The following RGS12 variants were observed in gnomAD, a reference collection of about 807,000 sequenced individuals.
RGS12 encodes the protein regulator of G-protein signaling 12.
In RGS12, 66 loss-of-function variants were observed where a neutral mutation model predicts 120.1. The ratio of observed to expected loss-of-function variants is 0.55; its 90% CI spans 0.45 to 0.67. RGS12 has a LOEUF of 0.67. Among genes scored for constraint, RGS12 ranks in the 30% least tolerant of loss-of-function variants. The probability of loss-of-function intolerance (pLI) is 0.00; values close to 1 mark genes in which losing one functional copy is unlikely to be tolerated. For missense variants in RGS12, 1,859 were observed against 1,957.7 expected, an observed-to-expected ratio of 0.95 and a Z score of 0.95; for synonymous variants, 827 against 804.7, an observed-to-expected ratio of 1.03 and a Z score of -0.47.
intron 3 of RGS12, among the ~76,000 whole-genome samples, chr4:3,376,358 G>C (rs2108919201): frequency 6.6e-6 from 1 of 152,262 alleles, no homozygotes; most frequent in African/African-American, 2.4e-5. Context: ...GCAGACCGTG[G>C]TGGCTGCTCT....
intron 1 of RGS12, among the ~76,000 whole-genome samples, chr4:3,308,384 G>A (rs568948189): frequency 2.6e-5 from 4 of 152,268 alleles, no homozygotes; most frequent in East Asian, 1.9e-4. Flanking sequence ...GTGTTGGCTC[G>A]GCGCTCCTCT....
intron 1 of RGS12, among the ~76,000 whole-genome samples, chr4:3,302,387 G>A (rs1723735031): frequency 6.6e-6 from 1 of 152,116 alleles, no homozygotes; most frequent in Admixed American, 6.5e-5. Context: ...TGGGGTGGGT[G>A]GGGTTGGGGG....
intron 4 of RGS12, among the ~76,000 whole-genome samples, chr4:3,410,681 G>A (rs1193524811): frequency 6.6e-6 from 1 of 152,210 alleles, no homozygotes; most frequent in African/African-American, 2.4e-5. Flanking sequence ...GTGCCTCTTG[G>A]CTCAGACTTC....
intron 17 of RGS12, among the ~76,000 whole-genome samples, chr4:3,435,594 A>G (rs1577112592): frequency 1.2e-5 from 1 of 82,370 alleles, no homozygotes; most frequent in South Asian, 3.9e-4. Context: ...GTCTCCCCCC[A>G]GCATCTCCTG....
In RGS12 at chr4:3,389,429, G is replaced by A. The variant is rs1310433519; in HGVS notation, c.2020+2992G>A. 6.6e-6 allele frequency among the ~76,000 whole-genome samples: 1 copy of A among 152,158 alleles called. No individual in the cohort carries two copies. Among genetic ancestry groups the A allele is most frequent in the African/African-American group, 2.4e-5 (1 of 41,438 alleles). On this transcript the variant is annotated intron_variant, in intron 4 of 17. Coordinates refer to ENST00000336727, the MANE Select transcript of RGS12 (RefSeq NM_001394154.1). The surrounding 1 kb of genome is among the most constrained non-coding windows in gnomAD (Gnocchi z 5.2). ...GTTATTCAGACAGAAGTGTGAGGTC[G>A]AGCTGGAGGGAGATGGGGCGTTGTG... is the stretch of plus-strand genomic sequence containing the variant.
At chr4:3,343,223 C>A in intron 3 of RGS12, 170 bp downstream of exon 3, 1 of 577,222 alleles carries the variant, frequency 1.7e-6, no homozygotes, top group Non-Finnish European at 3.1e-6. Flanking sequence ...ATTTGGGAAC[C>A]TTTCTACCCT....
At chr4:3,382,679 C>G (rs899552909) in intron 3 of RGS12, among the ~76,000 whole-genome samples, 1 of 152,346 alleles carries the variant, frequency 6.6e-6, no homozygotes, top group Admixed American at 6.5e-5. Flanking sequence ...TCTGCCCATC[C>G]CTCTGTACTG....
intron 2 of RGS12, among the ~76,000 whole-genome samples, 176 bp from the exon 3 acceptor site, chr4:3,342,761 A>G (rs1475432527): frequency 6.6e-6 from 1 of 151,830 alleles, no homozygotes; most frequent in Non-Finnish European, 1.5e-5. Flanking sequence ...TCAATTTTGC[A>G]TGTTTTTCTT....
At chr4:3,287,100 G>C in the RGS12 span, among the ~76,000 whole-genome samples, 3 of 152,220 alleles carry the variant, frequency 2.0e-5, no homozygotes, top group Admixed American at 6.5e-5. Flanking sequence ...TCCGGGAAAA[G>C]GTGAGCTCTG....
chr4:3,362,375 CAG>C (rs1715662237), intron 3 of RGS12, among the ~76,000 whole-genome samples: 1 of 120,502 alleles, frequency 8.3e-6, no homozygotes, highest in African/African-American at 3.2e-5. Context: ...GTGAGGGTGT[CAG>C]TGTGTGAGGA....
chr4:3,421,143 C>G (rs1205428305), intron 10 of RGS12, among the ~76,000 whole-genome samples: 3 of 152,196 alleles, frequency 2.0e-5, no homozygotes, highest in Non-Finnish European at 4.4e-5. Context: ...CCTCTGCCTG[C>G]GGGCCGCCTG....
chr4:3,299,424 T>A (rs1220946667), intron 1 of RGS12, among the ~76,000 whole-genome samples: 3 of 152,146 alleles, frequency 2.0e-5, no homozygotes, highest in Non-Finnish European at 4.4e-5. Flanking sequence ...TTGGTGCAGC[T>A]CTCTCCTTTC....
intron 2 of RGS12, among the ~76,000 whole-genome samples, chr4:3,327,746 A>G (rs1725658600): frequency 6.6e-6 from 1 of 152,206 alleles, no homozygotes; most frequent in Admixed American, 6.5e-5. Flanking sequence ...CACTCAAACA[A>G]TAACAGATGT....
intron 2 of RGS12, among the ~76,000 whole-genome samples, chr4:3,340,180 C>T (rs60176169): frequency 4.9e-4 from 75 of 152,324 alleles, no homozygotes; most frequent in African/African-American, 1.7e-3. Context: ...CACTGCCCAG[C>T]GCCTTCTCAG....
chr4:3,376,939 G>T (rs973345038), intron 3 of RGS12, among the ~76,000 whole-genome samples: 1 of 152,132 alleles, frequency 6.6e-6, no homozygotes, highest in African/African-American at 2.4e-5. Flanking sequence ...TCCAGCAAGA[G>T]ATTGCCTTGA....
intron 3 of RGS12, among the ~76,000 whole-genome samples, chr4:3,350,122 T>C (rs959834244): frequency 5.3e-5 from 8 of 152,256 alleles, no homozygotes; most frequent in Non-Finnish European, 7.3e-5. Context: ...GAAACTTAAA[T>C]ATAGGGGTAT....
rs557784066 is a variant in RGS12, at chr4:3,366,831, C to T, written c.1999-19585C>T. On this transcript the variant is annotated intron_variant, in intron 3 of 17. Coordinates refer to ENST00000336727, the MANE Select transcript of RGS12 (RefSeq NM_001394154.1). The surrounding 1 kb of genome is among the most constrained non-coding windows in gnomAD (Gnocchi z 4.0). ...GGAGGCCCAGAGTCAAGGAGGAGCTCTTTGGCAGGTCCTGGAGACCCTGGG... is the reference window on the plus strand; with the variant it reads ...GGAGGCCCAGAGTCAAGGAGGAGCTTTTTGGCAGGTCCTGGAGACCCTGGG... Among the ~76,000 whole-genome samples the T allele has an allele frequency of 7.2e-5, 11 of 152,288 alleles. 1 individual carries two copies. The South Asian group carries it at 2.3e-3, about 32-fold the overall frequency.
chr4:3,331,457 C>A (rs1302299921), intron 2 of RGS12, among the ~76,000 whole-genome samples: 5 of 152,032 alleles, frequency 3.3e-5, no homozygotes, highest in African/African-American at 4.8e-5. Flanking sequence ...TTAATAAGAA[C>A]AAAGTCGGTG....
intron 17 of RGS12, chr4:3,432,336 C>T (rs1724387605): frequency 3.4e-6 from 1 of 295,598 alleles, no homozygotes; most frequent in Non-Finnish European, 5.0e-6. Context: ...CTGAACAAAA[C>T]TCTTGAGCAC....
Sources: allele counts gnomAD v4.1 joint callset (sites outside exome capture counted in the v4.1 genomes callset), GRCh38; gene constraint gnomAD v4.1.1; non-coding constraint Gnocchi (gnomAD v3.1); transcripts MANE v1.5; gene names NCBI Gene and HGNC (gene_info 2026-07-23, HGNC 2026-07-21).